Variants in C2orf42 observed in about 807,000 individuals in gnomAD.
C2orf42 encodes chromosome 2 open reading frame 42, also known as uncharacterized protein C2orf42.
A neutral mutation model predicts 58.9 loss-of-function variants in C2orf42; 44 were observed. The ratio of observed to expected loss-of-function variants is 0.75; its 90% confidence interval spans 0.59 to 0.96. The LOEUF (loss-of-function observed/expected upper bound fraction) is 0.96, where lower values mean the gene tolerates loss of function less well. Among genes scored for constraint, C2orf42 ranks in the 40% least tolerant of loss-of-function variants. The pLI is 0.00. For synonymous variants in C2orf42, 239 were observed against 265.4 expected (o/e 0.90, Z 0.97); for missense variants, 630 against 699.2 (o/e 0.90, Z 1.12).
chr2:70,183,280 A>T (rs1239731961), intron 1 of C2orf42, among the ~76,000 whole-genome samples: 2 of 152,066 alleles, frequency 1.3e-5, no homozygotes, highest in East Asian at 1.9e-4. Context: ...CTATAAAAAA[A>T]TTTAAAAATT....
rs181408789 is a variant in C2orf42 at position 70,150,431 on chromosome 2, C to T, written c.1650G>A (p.Ala550=). 2.3e-4 allele frequency: 375 copies of T among 1,614,100 alleles called. 2 individuals are homozygous for T. The East Asian group carries it at 6.2e-3, about 27-fold the overall frequency. Residue 550 remains alanine (A), a synonymous_variant, in exon 10 of 10, where the codon GCG becomes GCA. Transcript: ENST00000264434. ...EYGHHRNGHV[A]EYQDQRPPLD... ...AGGGGGGCCGCTGGTCTTGGTACTC[C>T]GCCACATGCCCATTCCGGTGGTGGC...
chr2:70,182,050 T>A (rs377433191), intron 2 of C2orf42, 53 bp from the exon 3 acceptor site: 2 of 790,398 alleles, frequency 2.5e-6, no homozygotes. Flanking sequence ...ACACAAAAAG[T>A]TAAAATCACT....
At chr2:70,177,166 G>A (rs771987874) in intron 4 of C2orf42, among the ~76,000 whole-genome samples, 8 of 151,950 alleles carry the variant, frequency 5.3e-5, no homozygotes, top group Non-Finnish European at 8.8e-5. Flanking sequence ...CAGCTACTTA[G>A]GAGACCGAGG....
At chr2:70,171,568 T>G (rs1045569571) in intron 5 of C2orf42, among the ~76,000 whole-genome samples, 4 of 152,050 alleles carry the variant, frequency 2.6e-5, no homozygotes, top group East Asian at 1.9e-4. Flanking sequence ...TAGAGTGCAG[T>G]GGCATGATCT....
chr2:70,165,825 T>C (rs1048548486), intron 6 of C2orf42, among the ~76,000 whole-genome samples, 190 bp from the exon 7 acceptor site: 1 of 152,132 alleles, frequency 6.6e-6, no homozygotes, highest in Non-Finnish European at 1.5e-5. Context: ...AGTCCTACTG[T>C]TGATCCCTTG....
At chr2:70,159,166 G>A (rs1004244046) in intron 9 of C2orf42, among the ~76,000 whole-genome samples, 70 of 151,306 alleles carry the variant, frequency 4.6e-4, no homozygotes, top group African/African-American at 1.6e-3. Flanking sequence ...GATTACAGGC[G>A]TGAGCCACCG....
intron 8 of C2orf42, among the ~76,000 whole-genome samples, chr2:70,161,634 AGTTTGAGACCAGCCTGACCAACATG>A (rs1673055596): frequency 6.6e-6 from 1 of 152,044 alleles, no homozygotes; most frequent in South Asian, 2.1e-4. Flanking sequence ...TGAGGTCGGG[AGTTTGAGACCAGCCTGACCAACATG>A]GAGAAACCTC....
chr2:70,176,361 G>A (rs1414542597), intron 4 of C2orf42, among the ~76,000 whole-genome samples: 6 of 151,984 alleles, frequency 3.9e-5, no homozygotes, highest in African/African-American at 7.2e-5. Flanking sequence ...AAAATTAGCC[G>A]GGCGCGGTGG....
In C2orf42 at chr2:70,160,344, G is replaced by A. The variant is rs536704479; in HGVS notation, c.1516+281C>T. 3.3e-5 allele frequency among the ~76,000 whole-genome samples: 5 copies of A among 152,140 alleles called. No individual in the cohort carries two copies. The South Asian group carries it at 1.0e-3, about 32-fold the overall frequency. ...TATAGTAGAGACTGGGTTTCACCAT[G>A]TTGGCCAGGCTGGTCTCAAAACTCC... On this transcript the variant is annotated intron_variant, in intron 9 of 9. Transcript: ENST00000264434.
chr2:70,150,455 G>C lies in C2orf42; in HGVS notation c.1626C>G (p.Gly542=). The change falls in exon 10 of 10, where the codon GGC becomes GGG. Residue 542 remains glycine (G), a synonymous_variant. Coordinates refer to ENST00000264434, the MANE Select transcript of C2orf42 (RefSeq NM_017880.3). ...IGELRIKFEY[G]HHRNGHVAEY... ...CCGCCACATGCCCATTCCGGTGGTG[G>C]CCATACTCAAACTTGATCCGCAGCT... 1 of 1,614,102 alleles carries C rather than the reference G, an allele frequency of 6.2e-7. No individual in the cohort carries two copies. The highest frequency in any genetic ancestry group is 8.5e-7 in the Non-Finnish European group (1 of 1,179,974).
At chr2:70,157,403 CGA>C (rs1356144402) in intron 9 of C2orf42, among the ~76,000 whole-genome samples, 2 of 151,870 alleles carry the variant, frequency 1.3e-5, no homozygotes, top group African/African-American at 2.4e-5. Context: ...TGCAGTGAGC[CGA>C]GATCGCACCA....
chr2:70,167,626 A>T (rs1270937360), intron 6 of C2orf42, among the ~76,000 whole-genome samples: 3 of 151,980 alleles, frequency 2.0e-5, no homozygotes, highest in African/African-American at 7.2e-5. Flanking sequence ...CTATAATCCC[A>T]GCTACTCAGG....
chr2:70,172,159 G>A (rs1158811714), intron 5 of C2orf42, among the ~76,000 whole-genome samples: 3 of 151,038 alleles, frequency 2.0e-5, no homozygotes, highest in African/African-American at 7.3e-5. Context: ...AGGAGGCGGA[G>A]GTTGCAGTGA....
intron 6 of C2orf42, among the ~76,000 whole-genome samples, chr2:70,168,243 A>G (rs964518995): frequency 2.0e-5 from 3 of 150,020 alleles, no homozygotes; most frequent in Non-Finnish European, 3.0e-5. Context: ...CAGCCTCCTG[A>G]GTAGTTGGGA....
rs1672211303 is a variant in C2orf42 at position 70,150,069 on chromosome 2, T to C, written c.*287A>G. ...AAAAGGTTGAAATAAACGCTAAAGATGAGTCCGTAAGAAGGAAAATAAGCT... is the reference window on the plus strand; with the variant it reads ...AAAAGGTTGAAATAAACGCTAAAGACGAGTCCGTAAGAAGGAAAATAAGCT... On this transcript the variant is annotated 3_prime_UTR_variant, in exon 10 of 10. Coordinates refer to ENST00000264434, the MANE Select transcript of C2orf42 (RefSeq NM_017880.3). 1 of 441,568 alleles carries C rather than the reference T, an allele frequency of 2.3e-6. No individual in the cohort carries two copies. The highest frequency in any genetic ancestry group is 2.0e-5 in the African/African-American group (1 of 50,500). 27.4% of individuals were successfully genotyped at this position (441,568 alleles called of 1,614,324 possible).
intron 9 of C2orf42, among the ~76,000 whole-genome samples, chr2:70,155,799 CAAAAAAAAAGA>C (rs1187615877): frequency 1.5e-4 from 16 of 107,080 alleles, no homozygotes; most frequent in African/African-American, 7.9e-4. Context: ...GACTCCATCT[CAAAAAAAAAGA>C]AAAAAAAAAA....
intron 9 of C2orf42, among the ~76,000 whole-genome samples, chr2:70,157,446 C>T (rs1672750937): frequency 6.7e-6 from 1 of 148,622 alleles, no homozygotes; most frequent in African/African-American, 2.6e-5. Context: ...CAGCGAGACT[C>T]CCGTCTCAAA....
chr2:70,183,016 T>C (rs1174992038), intron 1 of C2orf42, 81 bp from the exon 2 acceptor site: 1 of 152,194 alleles, frequency 6.6e-6, no homozygotes, highest in African/African-American at 2.4e-5. Flanking sequence ...AGAATAGGAA[T>C]CAAAGTCTTT....
Position 70,178,607 on chromosome 2 carries a change from C to CTAAA in C2orf42, c.934+921_934+924dup, listed in dbSNP as rs1019314839. ...TGGGCAACAGAGCGAGACTCCATCT[C>CTAAA]TAAATAAATAAATAAATAAATAAGG... On this transcript the variant is annotated intron_variant, in intron 4 of 9. Coordinates refer to ENST00000264434, the MANE Select transcript of C2orf42 (RefSeq NM_017880.3). Among the ~76,000 whole-genome samples the CTAAA allele has an allele frequency of 3.0e-4, 45 of 151,102 alleles. 1 individual carries two copies. The highest frequency in any genetic ancestry group is 1.3e-3 in the South Asian group (6 of 4,764).
Sources: allele counts gnomAD v4.1 joint callset (sites outside exome capture counted in the v4.1 genomes callset), GRCh38; gene constraint gnomAD v4.1.1; transcripts MANE v1.5; gene names NCBI Gene and HGNC (gene_info 2026-07-23, HGNC 2026-07-21).